Variants in HDGFL3 observed in about 807,000 individuals in gnomAD.
HDGFL3 encodes hepatoma-derived growth factor-related protein 3.
HDGFL3 carries 6 observed loss-of-function variants against 27.6 expected under a neutral mutation model. That is an observed-to-expected ratio of 0.22 (90% CI 0.12 to 0.43). The LOEUF (loss-of-function observed/expected upper bound fraction) is 0.43, where lower values mean the gene tolerates loss of function less well. Among genes scored for constraint, HDGFL3 ranks in the 20% least tolerant of loss-of-function variants. The pLI is 1.00. For missense variants in HDGFL3, 207 were observed against 250.1 expected, an observed-to-expected ratio of 0.83 and a Z score of 1.16; for synonymous variants, 88 against 88.9, an observed-to-expected ratio of 0.99 and a Z score of 0.05.
intron 5 of HDGFL3, among the ~76,000 whole-genome samples, chr15:83,140,591 C>G (rs1190876397): frequency 2.0e-5 from 3 of 150,030 alleles, no homozygotes; most frequent in Non-Finnish European, 4.4e-5. Flanking sequence ...AAGTGATTCT[C>G]CTGCCTCAGC....
Position 83,136,560 on chromosome 15 carries a change from T to C in HDGFL3, c.*2710A>G. ...AGAGTCCCTGAAGAAGCAAAAATCC[T>C]TTTTTTAGCATTAAACATAGCATAT... On this transcript the variant is annotated 3_prime_UTR_variant, in exon 6 of 6. Transcript: ENST00000299633. The C allele has an allele frequency of 6.2e-7, 1 of 1,612,762 alleles. No homozygotes were observed. The highest frequency in any genetic ancestry group is 1.1e-5 in the South Asian group (1 of 90,840).
intron 3 of HDGFL3, chr15:83,119,761 G>A (rs1596489572): frequency 1.3e-6 from 2 of 1,593,942 alleles, no homozygotes; most frequent in East Asian, 2.2e-5. Context: ...TATGCATAGA[G>A]GCAAATACAC....
intron 1 of HDGFL3, among the ~76,000 whole-genome samples, chr15:83,205,760 G>T (rs970229795): frequency 3.9e-5 from 6 of 152,148 alleles, no homozygotes; most frequent in African/African-American, 1.4e-4. Flanking sequence ...CAGATTCGGG[G>T]ATTTTCTGAA....
chr15:83,147,697 G>A (rs557995358), intron 5 of HDGFL3, among the ~76,000 whole-genome samples: 2 of 152,158 alleles, frequency 1.3e-5, no homozygotes, highest in Non-Finnish European at 2.9e-5. Context: ...GAAGGACTAT[G>A]CAATAAATGG....
chr15:83,192,047 T>G (rs980520093), intron 1 of HDGFL3, among the ~76,000 whole-genome samples: 2 of 147,342 alleles, frequency 1.4e-5, no homozygotes, highest in African/African-American at 5.0e-5. Context: ...GTTCAAGCAA[T>G]TCTCCTGCCT....
chr15:83,126,781 C>T, downstream of HDGFL3: 1 of 1,613,838 alleles, frequency 6.2e-7, no homozygotes, highest in East Asian at 2.2e-5. Context: ...CATCTGAGCT[C>T]TGCCGATTAT....
intron 5 of HDGFL3, among the ~76,000 whole-genome samples, chr15:83,141,149 T>C (rs2036762358): frequency 3.3e-5 from 5 of 152,210 alleles, no homozygotes; most frequent in Admixed American, 1.3e-4. Context: ...ATTCTGGACA[T>C]GGTACTCTGA....
chr15:83,161,400 A>G (rs1002945460), intron 2 of HDGFL3, among the ~76,000 whole-genome samples: 1 of 152,108 alleles, frequency 6.6e-6, no homozygotes, highest in Non-Finnish European at 1.5e-5. Context: ...AGCTAAAGTG[A>G]TCCTCCAGCC....
At position 83,132,386 on chromosome 15, in the gene HDGFL3, A is replaced by G. The variant is rs2036312648; in HGVS notation, c.*6884T>C. 1 of 152,224 alleles carries G rather than the reference A, an allele frequency of 6.6e-6. No individual in the cohort carries two copies. The highest frequency in any genetic ancestry group is 1.5e-5 in the Non-Finnish European group (1 of 68,064). 9.4% of individuals were successfully genotyped at this position (152,224 alleles called of 1,614,324 possible). ...CAGACTCACCATGGGCTTGGTAAGGAGCCTGCCATCCCACAGCCAGCGAAG... is the reference window on the plus strand; with the variant it reads ...CAGACTCACCATGGGCTTGGTAAGGGGCCTGCCATCCCACAGCCAGCGAAG... On this transcript the variant is annotated 3_prime_UTR_variant, in exon 6 of 6. Coordinates refer to ENST00000299633, the MANE Select transcript of HDGFL3 (RefSeq NM_016073.4).
At chr15:83,195,684 T>A (rs2037561434) in intron 1 of HDGFL3, among the ~76,000 whole-genome samples, 1 of 152,052 alleles carries the variant, frequency 6.6e-6, no homozygotes, top group Non-Finnish European at 1.5e-5. Context: ...ACTGAAAATT[T>A]AAAAAGTAAA....
At chr15:83,163,652 G>GA (rs1181602117) in intron 2 of HDGFL3, 2 of 205,038 alleles carry the variant, frequency 9.8e-6, no homozygotes, top group African/African-American at 2.4e-5. Context: ...AATATGAATG[G>GA]AAAAAACTTC....
At chr15:83,167,792 A>G (rs541783694) in intron 1 of HDGFL3, among the ~76,000 whole-genome samples, 1 of 152,324 alleles carries the variant, frequency 6.6e-6, no homozygotes, top group South Asian at 2.1e-4. Context: ...GAAAACTAAC[A>G]AAGAAATTCT....
At chr15:83,161,459 C>T (rs1183983230) in intron 2 of HDGFL3, among the ~76,000 whole-genome samples, 1 of 152,206 alleles carries the variant, frequency 6.6e-6, no homozygotes, top group African/African-American at 2.4e-5. Flanking sequence ...CTGCACTCAG[C>T]TGCCTATACT....
chr15:83,164,181 C>CA, intron 1 of HDGFL3, 106 bp from the exon 2 acceptor site: 1 of 764,048 alleles, frequency 1.3e-6, no homozygotes, highest in Non-Finnish European at 2.1e-6. Context: ...AATCAAAACT[C>CA]AGATAGTTTT....
intron 1 of HDGFL3, among the ~76,000 whole-genome samples, chr15:83,168,818 A>G (rs2037205064): frequency 6.6e-6 from 1 of 152,198 alleles, no homozygotes; most frequent in African/African-American, 2.4e-5. Flanking sequence ...CAAAGACACA[A>G]CAAAAGGAAA....
intron 2 of HDGFL3, among the ~76,000 whole-genome samples, chr15:83,160,957 T>C (rs1313735345): frequency 6.6e-6 from 1 of 152,184 alleles, no homozygotes; most frequent in Non-Finnish European, 1.5e-5. Context: ...TGATTCTACC[T>C]CATTGAATCC....
intron 5 of HDGFL3, among the ~76,000 whole-genome samples, chr15:83,146,484 T>C (rs956092618): frequency 2.6e-5 from 4 of 152,182 alleles, no homozygotes; most frequent in African/African-American, 9.7e-5. Flanking sequence ...CATTTATATT[T>C]CCAGGTCATA....
downstream of HDGFL3, chr15:83,124,854 T>A: frequency 3.1e-6 from 4 of 1,302,772 alleles, no homozygotes; most frequent in Non-Finnish European, 4.4e-6. Context: ...TAGAAATATG[T>A]TTTTGTTTTT....
chr15:83,204,079 G>C (rs1039858137), intron 1 of HDGFL3, among the ~76,000 whole-genome samples: 1 of 149,788 alleles, frequency 6.7e-6, no homozygotes, highest in African/African-American at 2.5e-5. Context: ...AACAATGGGG[G>C]AGAAGGAAGG....
Sources: allele counts gnomAD v4.1 joint callset (sites outside exome capture counted in the v4.1 genomes callset), GRCh38; gene constraint gnomAD v4.1.1; transcripts MANE v1.5; gene names NCBI Gene and HGNC (gene_info 2026-07-23, HGNC 2026-07-21).